Variants in CNTNAP5 observed in about 807,000 individuals in gnomAD.
The protein encoded by CNTNAP5 is contactin-associated protein-like 5.
A neutral mutation model predicts 150.2 loss-of-function variants in CNTNAP5; 72 were observed. That is an observed-to-expected ratio of 0.48 (90% CI 0.40 to 0.58). The LOEUF (loss-of-function observed/expected upper bound fraction) is 0.58. Among genes scored for constraint, CNTNAP5 ranks in the 20% least tolerant of loss-of-function variants. The pLI is 0.00. For missense variants in CNTNAP5, 1,636 were observed against 1,626.2 expected (o/e 1.01, Z -0.10); for synonymous variants, 672 against 619.8 (o/e 1.08, Z -1.25).
chr2:124,244,053 T>C (rs1686951175), intron 3 of CNTNAP5, among the ~76,000 whole-genome samples: 1 of 152,166 alleles, frequency 6.6e-6, no homozygotes, highest in South Asian at 2.1e-4. Flanking sequence ...TGTCTTTAGA[T>C]TGAGTTGTAG....
At chr2:124,197,450 T>A (rs1182851043) in intron 1 of CNTNAP5, among the ~76,000 whole-genome samples, 1 of 152,228 alleles carries the variant, frequency 6.6e-6, no homozygotes, top group African/African-American at 2.4e-5. Flanking sequence ...ATGATTTTCC[T>A]TTGGAATAAC....
chr2:124,396,753 T>G (rs2104754169), intron 3 of CNTNAP5, among the ~76,000 whole-genome samples: 1 of 152,324 alleles, frequency 6.6e-6, no homozygotes, highest in African/African-American at 2.4e-5. Flanking sequence ...GAACTAGGGC[T>G]TGAGATAGAT....
intron 17 of CNTNAP5, among the ~76,000 whole-genome samples, chr2:124,781,207 G>A (rs1389808526): frequency 6.6e-6 from 1 of 152,160 alleles, no homozygotes; most frequent in African/African-American, 2.4e-5. Flanking sequence ...GGGTCATGGA[G>A]ATAAATAAGA....
At chr2:124,040,645 G>GTGTGTA (rs1681345324) in intron 1 of CNTNAP5, among the ~76,000 whole-genome samples, 1 of 151,696 alleles carries the variant, frequency 6.6e-6, no homozygotes, top group Admixed American at 6.6e-5. Context: ...GTGTGTGTGT[G>GTGTGTA]TGTGTGTGTG....
chr2:124,266,563 C>T (rs1171708626), intron 3 of CNTNAP5, among the ~76,000 whole-genome samples: 2 of 152,104 alleles, frequency 1.3e-5, no homozygotes, highest in Non-Finnish European at 2.9e-5. Flanking sequence ...CCATGTGTGT[C>T]TTGTGCAGGA....
intron 7 of CNTNAP5, among the ~76,000 whole-genome samples, chr2:124,504,088 G>A (rs1024468173): frequency 6.6e-6 from 1 of 152,058 alleles, no homozygotes; most frequent in African/African-American, 2.4e-5. Flanking sequence ...TTTGCAGATA[G>A]CATTGTGATC....
intron 2 of CNTNAP5, 118 bp from the exon 3 acceptor site, chr2:124,242,082 C>A (rs547136339): frequency 4.0e-5 from 30 of 753,622 alleles, no homozygotes; most frequent in Admixed American, 2.0e-4. Context: ...GAGTAGGGCC[C>A]ATTTGGGGGT....
At chr2:124,900,133 G>A (rs1678385602) in intron 21 of CNTNAP5, among the ~76,000 whole-genome samples, 1 of 151,248 alleles carries the variant, frequency 6.6e-6, no homozygotes, top group South Asian at 2.1e-4. Context: ...AAATTTTGAA[G>A]GTTGAGAACA....
At chr2:124,637,022 A>C (rs1001374321) in intron 12 of CNTNAP5, among the ~76,000 whole-genome samples, 1 of 152,208 alleles carries the variant, frequency 6.6e-6, no homozygotes, top group African/African-American at 2.4e-5. Context: ...TTATCTTCTA[A>C]GAACAAATAT....
chr2:124,643,302 G>A (rs1185078443), intron 12 of CNTNAP5, among the ~76,000 whole-genome samples: 4 of 152,120 alleles, frequency 2.6e-5, no homozygotes, highest in Non-Finnish European at 2.9e-5. Flanking sequence ...TGTGGGATTG[G>A]GTAGTGGTGT....
intron 1 of CNTNAP5, among the ~76,000 whole-genome samples, chr2:124,048,803 G>T (rs1223992351): frequency 6.6e-6 from 1 of 152,162 alleles, no homozygotes; most frequent in East Asian, 1.9e-4. Flanking sequence ...GAGTCCCCAA[G>T]AATGCTAACC....
At position 124,921,185 on chromosome 2, in the gene CNTNAP5, G is replaced by C. The variant is rs1678863275; in HGVS notation, c.*6897G>C. 1.3e-5 allele frequency among the ~76,000 whole-genome samples: 2 copies of C among 152,114 alleles called. No homozygotes were observed. Among genetic ancestry groups the C allele is most frequent in the Admixed American group, 1.3e-4 (2 of 15,270 alleles). ...CTGTAAATAATGTATATTTAATAAA[G>C]AGAACATTTTGTATGATTTTGTGTG... is the stretch of plus-strand genomic sequence containing the variant. On this transcript the variant is annotated 3_prime_UTR_variant, in exon 24 of 24. Coordinates refer to ENST00000682447, the MANE Select transcript of CNTNAP5 (RefSeq NM_001367498.1).
intron 3 of CNTNAP5, among the ~76,000 whole-genome samples, chr2:124,362,281 A>T (rs1262218556): frequency 6.6e-6 from 1 of 152,142 alleles, no homozygotes; most frequent in Non-Finnish European, 1.5e-5. Flanking sequence ...TGCGTCGCTC[A>T]CGCTGGGAGC....
rs571614592 is a variant in CNTNAP5, at chr2:124,887,437, A to T, written c.3437-15445A>T. Among the ~76,000 whole-genome samples the T allele has an allele frequency of 2.0e-5, 3 of 152,168 alleles. No individual in the cohort carries two copies. The East Asian group carries it at 5.8e-4, about 30-fold the overall frequency. ...CTAGTGTGACCAGTCATGCTAGTCTACTCAAGACTGCGGGATTCCCAGGGA... is the reference window on the plus strand; with the variant it reads ...CTAGTGTGACCAGTCATGCTAGTCTTCTCAAGACTGCGGGATTCCCAGGGA... On this transcript the variant is annotated intron_variant, in intron 21 of 23. Coordinates refer to ENST00000682447, the MANE Select transcript of CNTNAP5 (RefSeq NM_001367498.1).
intron 19 of CNTNAP5, among the ~76,000 whole-genome samples, chr2:124,849,380 G>A (rs1043347578): frequency 3.3e-5 from 5 of 151,768 alleles, no homozygotes; most frequent in Non-Finnish European, 4.4e-5. Flanking sequence ...GTTTTGTTTT[G>A]TTTTTGTTTC....
intron 19 of CNTNAP5, among the ~76,000 whole-genome samples, chr2:124,804,266 G>A (rs760157757): frequency 3.9e-5 from 6 of 152,166 alleles, no homozygotes; most frequent in African/African-American, 9.7e-5. Flanking sequence ...GGATGATAAG[G>A]GCAGGACAGA....
At chr2:124,708,993 G>A (rs955254728) in intron 13 of CNTNAP5, among the ~76,000 whole-genome samples, 2 of 152,126 alleles carry the variant, frequency 1.3e-5, no homozygotes, top group Admixed American at 6.5e-5. Flanking sequence ...CTCACTCACC[G>A]TGCGCTGTGC....
At chr2:124,489,024 T>C (rs566772387) in intron 7 of CNTNAP5, among the ~76,000 whole-genome samples, 23 of 152,296 alleles carry the variant, frequency 1.5e-4, no homozygotes, top group African/African-American at 4.3e-4. Context: ...CTCCAGTCAA[T>C]TGGGCCACTA....
At chr2:124,149,403 C>CAA (rs71394025) in intron 1 of CNTNAP5, among the ~76,000 whole-genome samples, 16,609 of 82,478 alleles carry the variant, frequency 0.2, 2,260 homozygotes, top group Non-Finnish European at 0.23. Flanking sequence ...GCGTCAATTG[C>CAA]AAAAAAAAAA....
Sources: gnomAD v4.1 joint callset for allele counts (sites outside exome capture counted in the v4.1 genomes callset) on GRCh38, gnomAD v4.1.1 for gene constraint, MANE v1.5 for transcripts, NCBI Gene and HGNC (gene_info 2026-07-23, HGNC 2026-07-21) for gene names.